Variants in ASB13 observed in about 807,000 individuals in gnomAD.
The protein encoded by ASB13 is ankyrin repeat and SOCS box containing 13.
A neutral mutation model predicts 28.8 loss-of-function variants in ASB13; 33 were observed. The ratio of observed to expected loss-of-function variants is 1.15; its 90% CI spans 0.87 to 1.53. ASB13 has a LOEUF of 1.53. Ranked by LOEUF, ASB13 falls within the 40% of genes most tolerant of loss-of-function variation. The probability of loss-of-function intolerance (pLI) is 0.00; values close to 1 mark genes in which losing one functional copy is unlikely to be tolerated. For missense variants in ASB13, 414 were observed against 390.1 expected (o/e 1.06, Z -0.52); for synonymous variants, 182 against 172.9 (o/e 1.05, Z -0.41).
At chr10:5,648,694 G>A (rs71215331) in intron 4 of ASB13, among the ~76,000 whole-genome samples, 2 of 118,340 alleles carry the variant, frequency 1.7e-5, no homozygotes, top group African/African-American at 6.6e-5. Context: ...AAACACCCAC[G>A]CGGGCAAACA....
rs776224988 is a variant in ASB13, at chr10:5,641,964, G to A, written c.518-3C>T. 9 of 1,600,566 alleles carry A rather than the reference G, an allele frequency of 5.6e-6. No homozygotes were observed. The highest frequency in any genetic ancestry group is 1.1e-5 in the South Asian group (1 of 90,808). On this transcript the variant is annotated splice_region_variant and splice_polypyrimidine_tract_variant and intron_variant, in intron 4 of 5. Transcript: ENST00000357700. The surrounding 1 kb of genome is among the most constrained non-coding windows in gnomAD (Gnocchi z 8.4). The stretch of plus-strand genomic sequence containing the variant: ...CTTTGCCGCATTCACGTTGGCCCCT[G>A]GAGGTCAAGAGTGCAGAAGAGATTT...
At position 5,644,757 on chromosome 10, in the gene ASB13, G is replaced by A. The variant is rs539671479; in HGVS notation, c.518-2796C>T. Among the ~76,000 whole-genome samples the A allele has an allele frequency of 9.2e-5, 14 of 152,012 alleles. No homozygotes were observed. Among genetic ancestry groups the A allele is most frequent in the Non-Finnish European group, 1.8e-4 (12 of 68,012 alleles). On this transcript the variant is annotated intron_variant, in intron 4 of 5. Coordinates refer to ENST00000357700, the MANE Select transcript of ASB13 (RefSeq NM_024701.4). This position sits in a 1 kb window ranked among gnomAD's most constrained non-coding sequence, Gnocchi z 5.1. ...CGCTTGAACCAGGGAGATGGAGGCT[G>A]CAGTGAGCAGAGATCACACCACTGC...
rs1354655120 is a variant in ASB13, at chr10:5,656,470, C to T, written c.44-3420G>A. Among the ~76,000 whole-genome samples the T allele has an allele frequency of 1.3e-5, 2 of 151,104 alleles. No individual in the cohort carries two copies. Among genetic ancestry groups the T allele is most frequent in the Non-Finnish European group, 1.5e-5 (1 of 67,930 alleles). ...AGCAGAATCGCTTGAACCCAGGAGG[C>T]GGAGATTGCAGTGAGCTGAGATCGC... On this transcript the variant is annotated intron_variant, in intron 1 of 5. Transcript: ENST00000357700. This position sits in a 1 kb window ranked among gnomAD's most constrained non-coding sequence, Gnocchi z 4.3.
rs571771099 is a variant in ASB13 at position 5,661,200 on chromosome 10, A to G, written c.43+5309T>C. On this transcript the variant is annotated intron_variant, in intron 1 of 5. Transcript: ENST00000357700. This position sits in a 1 kb window ranked among gnomAD's most constrained non-coding sequence, Gnocchi z 4.9. ...GCAGCTGGCCTGCTGGCCCCTGCAC[A>G]CTGCAGAGCTGGGCACCTCCAGAGC... Among the ~76,000 whole-genome samples the G allele has an allele frequency of 4.6e-5, 7 of 152,102 alleles. No homozygotes were observed. The highest frequency in any genetic ancestry group is 1.4e-4 in the African/African-American group (6 of 41,496).
At position 5,660,839 on chromosome 10, in the gene ASB13, T is replaced by C. The variant is rs1459304409; in HGVS notation, c.43+5670A>G. Among the ~76,000 whole-genome samples the C allele has an allele frequency of 6.6e-6, 1 of 152,024 alleles. No individual in the cohort carries two copies. Among genetic ancestry groups the C allele is most frequent in the Admixed American group, 6.5e-5 (1 of 15,272 alleles). ...TCTCTGCCCAATTTTTCTGCTCAGTTCCCGGGCCCTCTGAGACCAGAGCCC... is the reference window on the plus strand; with the variant it reads ...TCTCTGCCCAATTTTTCTGCTCAGTCCCCGGGCCCTCTGAGACCAGAGCCC... On this transcript the variant is annotated intron_variant, in intron 1 of 5. Coordinates refer to ENST00000357700, the MANE Select transcript of ASB13 (RefSeq NM_024701.4). The surrounding 1 kb of genome is among the most constrained non-coding windows in gnomAD (Gnocchi z 6.1).
chr10:5,652,843 T>G lies in ASB13; in HGVS notation c.231+20A>C, dbSNP rs746045379. On this transcript the variant is annotated intron_variant, in intron 2 of 5. Coordinates refer to ENST00000357700, the MANE Select transcript of ASB13 (RefSeq NM_024701.4). The surrounding 1 kb of genome is among the most constrained non-coding windows in gnomAD (Gnocchi z 5.0). ...GGCAGCTGCAGCCAGTCTGGGGGTC[T>G]GCCCTGAAGGGCCACTCACCTGGGC... The G allele has an allele frequency of 2.0e-6, 3 of 1,507,562 alleles. No individual in the cohort carries two copies. The highest frequency in any genetic ancestry group is 2.5e-5 in the South Asian group (2 of 80,104). 93.4% of individuals were successfully genotyped at this position (1,507,562 alleles called of 1,614,324 possible). A position where few individuals can be genotyped will look rare whatever the true frequency, so the allele number is the denominator to read the frequency against.
rs904551145 is a variant in ASB13, at chr10:5,661,852, C to T, written c.43+4657G>A. 2.0e-5 allele frequency among the ~76,000 whole-genome samples: 3 copies of T among 152,170 alleles called. No individual in the cohort carries two copies. Among genetic ancestry groups the T allele is most frequent in the African/African-American group, 7.2e-5 (3 of 41,432 alleles). On this transcript the variant is annotated intron_variant, in intron 1 of 5. Coordinates refer to ENST00000357700, the MANE Select transcript of ASB13 (RefSeq NM_024701.4). This position sits in a 1 kb window ranked among gnomAD's most constrained non-coding sequence, Gnocchi z 4.9. ...CAGAAATTTTGTTCCGAGTAAATCA[C>T]CAAGGGGAGTCTGGGGTCCTGGCTG... is the stretch of plus-strand genomic sequence containing the variant.
At position 5,663,509 on chromosome 10, in the gene ASB13, TG is replaced by T. The variant is rs1254871577; in HGVS notation, c.43+2999del. 2.0e-5 allele frequency among the ~76,000 whole-genome samples: 3 copies of T among 152,248 alleles called. No homozygotes were observed. In the East Asian group the frequency reaches 5.8e-4, roughly 29 times the overall value. On this transcript the variant is annotated intron_variant, in intron 1 of 5. Coordinates refer to ENST00000357700, the MANE Select transcript of ASB13 (RefSeq NM_024701.4). This position sits in a 1 kb window ranked among gnomAD's most constrained non-coding sequence, Gnocchi z 4.9. Reference sequence around the variant, plus strand: ...CCCCAGTCCCACCCTCAAGGCACTGTGGGAGCTCAGGCCCTGACTCAGGACC... The same window carrying T: ...CCCCAGTCCCACCCTCAAGGCACTGTGGAGCTCAGGCCCTGACTCAGGACC...
At chr10:5,666,484 T>C in intron 1 of ASB13, 25 bp downstream of exon 1, 1 of 1,293,186 alleles carries the variant, frequency 7.7e-7, no homozygotes, top group Non-Finnish European at 9.8e-7. Context: ...TGCCTCGCTC[T>C]GACCTCCGCG....
rs1467509974 is a variant in ASB13 at position 5,641,166 on chromosome 10, A to G, written c.710-336T>C. Among the ~76,000 whole-genome samples the G allele has an allele frequency of 6.6e-6, 1 of 152,106 alleles. No homozygotes were observed. The highest frequency in any genetic ancestry group is 1.9e-4 in the East Asian group (1 of 5,194). On this transcript the variant is annotated intron_variant, in intron 5 of 5. Coordinates refer to ENST00000357700, the MANE Select transcript of ASB13 (RefSeq NM_024701.4). The surrounding 1 kb of genome is among the most constrained non-coding windows in gnomAD (Gnocchi z 8.4). ...ACCCAGGCTGGAGTGCAGCGGCACA[A>G]TCTCAGCTCACTGCAACCTCCGCCT...
chr10:5,654,525 T>C (rs3750639), intron 1 of ASB13, among the ~76,000 whole-genome samples: 44,009 of 151,944 alleles, frequency 0.29, 6,542 homozygotes, highest in South Asian at 0.43. Context: ...GCTCGCTAAC[T>C]GGTACAGACC....
intron 1 of ASB13, among the ~76,000 whole-genome samples, chr10:5,662,245 G>A (rs55672533): frequency 0.17 from 26,232 of 151,918 alleles, 2,638 homozygotes; most frequent in Non-Finnish European, 0.24. Context: ...TGGGCTGGGC[G>A]CAGTGGCTCA....
intron 4 of ASB13, among the ~76,000 whole-genome samples, chr10:5,646,965 G>A (rs1834894845): frequency 6.6e-6 from 1 of 152,148 alleles, no homozygotes; most frequent in Non-Finnish European, 1.5e-5. Flanking sequence ...AAAATTAAAA[G>A]TACCTCAACA....
rs551850854 is a variant in ASB13 at position 5,642,299 on chromosome 10, C to T, written c.518-338G>A. On this transcript the variant is annotated intron_variant, in intron 4 of 5. Transcript: ENST00000357700. The surrounding 1 kb of genome is among the most constrained non-coding windows in gnomAD (Gnocchi z 4.1). ...CTGCCTTCAGGGGTCCTGAGATTTC[C>T]GGAAGCTCAAACCAGAGCCACTCAA... is the stretch of plus-strand genomic sequence containing the variant. 3.9e-5 allele frequency among the ~76,000 whole-genome samples: 6 copies of T among 152,270 alleles called. No homozygotes were observed. Among genetic ancestry groups the T allele is most frequent in the African/African-American group, 1.2e-4 (5 of 41,568 alleles).
In ASB13 at chr10:5,644,848, T is replaced by C. The variant is rs1420159455; in HGVS notation, c.518-2887A>G. Among the ~76,000 whole-genome samples, 1 of 150,658 alleles carries C rather than the reference T, an allele frequency of 6.6e-6. No homozygotes were observed. The highest frequency in any genetic ancestry group is 6.6e-5 in the Admixed American group (1 of 15,112). ...AAAAAGAAAGAAAGAAGGGAACAGATACAGAGGAAAGAAGGAAGAGAGAAA... is the reference window on the plus strand; with the variant it reads ...AAAAAGAAAGAAAGAAGGGAACAGACACAGAGGAAAGAAGGAAGAGAGAAA... On this transcript the variant is annotated intron_variant, in intron 4 of 5. Coordinates refer to ENST00000357700, the MANE Select transcript of ASB13 (RefSeq NM_024701.4). The surrounding 1 kb of genome is among the most constrained non-coding windows in gnomAD (Gnocchi z 5.1).
chr10:5,662,317 G>A (rs1002384297), intron 1 of ASB13, among the ~76,000 whole-genome samples: 2 of 151,786 alleles, frequency 1.3e-5, no homozygotes, highest in Non-Finnish European at 1.5e-5. Flanking sequence ...TCAAGAGTTC[G>A]AGATCAGCCT....
rs772831086 is a variant in ASB13 at position 5,651,331 on chromosome 10, C to T, written c.264G>A (p.Pro88=). 48 of 1,612,674 alleles carry T rather than the reference C, an allele frequency of 3.0e-5. No individual in the cohort carries two copies. The highest frequency in any genetic ancestry group is 3.7e-5 in the Non-Finnish European group (44 of 1,179,452). The change falls in exon 3 of 6, where the codon CCG becomes CCA. Residue 88 remains proline, a synonymous_variant. Coordinates refer to ENST00000357700, the MANE Select transcript of ASB13 (RefSeq NM_024701.4). The surrounding 1 kb of genome is among the most constrained non-coding windows in gnomAD (Gnocchi z 5.1). ...TGCCCGAGGCGCAGGCATCGCAGAG[C>T]GGGGTGCTGCCGTCGATGTTGCGAG... The part of the protein sequence containing the change: ...VDARNIDGST[P]LCDACASGSI...
At chr10:5,657,378 CAG>C (rs964409513) in intron 1 of ASB13, among the ~76,000 whole-genome samples, 12 of 151,292 alleles carry the variant, frequency 7.9e-5, no homozygotes, top group African/African-American at 2.9e-4. Flanking sequence ...ACGAGTTGAA[CAG>C]ACATTTCTCT....
rs929885421 is a variant in ASB13, at chr10:5,650,349, A to G, written c.382+864T>C. 2.0e-5 allele frequency among the ~76,000 whole-genome samples: 3 copies of G among 152,164 alleles called. No individual in the cohort carries two copies. The highest frequency in any genetic ancestry group is 2.9e-5 in the Non-Finnish European group (2 of 68,032). On this transcript the variant is annotated intron_variant, in intron 3 of 5. Transcript: ENST00000357700. The surrounding 1 kb of genome is among the most constrained non-coding windows in gnomAD (Gnocchi z 6.0). ...AAATTCTGTTTTCCTGACCCTCGAC[A>G]TCTGCTCAGAAACCTTCAAGAGCTC...
Sources: allele counts gnomAD v4.1 joint callset (sites outside exome capture counted in the v4.1 genomes callset), GRCh38; gene constraint gnomAD v4.1.1; non-coding constraint Gnocchi (gnomAD v3.1); transcripts MANE v1.5; gene names NCBI Gene and HGNC (gene_info 2026-07-23, HGNC 2026-07-21).